Variants in C4orf33 observed in about 807,000 individuals in gnomAD.
C4orf33 encodes UPF0462 protein C4orf33.
A neutral mutation model predicts 24.3 loss-of-function variants in C4orf33; 20 were observed. The observed-to-expected ratio is 0.82, with a 90% CI of 0.58 to 1.19. The LOEUF (loss-of-function observed/expected upper bound fraction) is 1.19, where lower values mean the gene tolerates loss of function less well. Ranked by LOEUF, C4orf33 falls within the 50% of genes most tolerant of loss-of-function variation. C4orf33 has a pLI of 0.00. For synonymous variants in C4orf33, 67 were observed against 76.4 expected, an observed-to-expected ratio of 0.88 and a Z score of 0.64; for missense variants, 207 against 225.9, an observed-to-expected ratio of 0.92 and a Z score of 0.54.
chr4:129,106,454 T>G, intron 2 of C4orf33, 133 bp from the exon 3 acceptor site: 1 of 494,872 alleles, frequency 2.0e-6, no homozygotes, highest in Non-Finnish European at 3.6e-6. Flanking sequence ...CTATTTTCTT[T>G]GCTCTTTTTC....
At position 129,116,557 on chromosome 4, in the gene C4orf33, G is replaced by C. The variant is rs921597237; in HGVS notation, c.*4766G>C. ...GTACCTAGAGTATATATTTTGAAGA[G>C]ATAGCTTTGCTGAAATAGAAAACCA... On this transcript the variant is annotated 3_prime_UTR_variant, in exon 6 of 6. Coordinates refer to ENST00000425929, the MANE Select transcript of C4orf33 (RefSeq NM_001099783.2). 5.3e-5 allele frequency: 8 copies of C among 152,286 alleles called. No homozygotes were observed. The East Asian group carries it at 1.5e-3, about 29-fold the overall frequency. 9.4% of individuals were successfully genotyped at this position (152,286 alleles called of 1,614,324 possible). A position where few individuals can be genotyped will look rare whatever the true frequency, so the allele number is the denominator to read the frequency against.
intron 1 of C4orf33, chr4:129,102,310 C>A (rs1753379277): frequency 4.6e-6 from 1 of 218,554 alleles, no homozygotes; most frequent in Admixed American, 5.6e-5. Flanking sequence ...TATCACTTTT[C>A]ATGTTGAGGT....
At chr4:129,106,528 A>C (rs914200720) in intron 2 of C4orf33, 59 bp from the exon 3 acceptor site, 1 of 818,912 alleles carries the variant, frequency 1.2e-6, no homozygotes, top group Non-Finnish European at 2.0e-6. Flanking sequence ...GGAATAAATT[A>C]TTTATTGTTG....
intron 1 of C4orf33, chr4:129,100,658 T>C (rs1023609157): frequency 6.6e-6 from 1 of 152,216 alleles, no homozygotes; most frequent in Non-Finnish European, 1.5e-5. Flanking sequence ...ATCTCTTTAA[T>C]GTATGCAGAA....
rs551865646 is a variant in C4orf33, at chr4:129,107,857, C to T, written c.242+1210C>T. ...ATTTTATTAGATGATAATATTGGTT[C>T]ATTTTCATAAAGTGATGTCAACACT... On this transcript the variant is annotated intron_variant, in intron 3 of 5. Transcript: ENST00000425929. Among the ~76,000 whole-genome samples, 14 of 152,050 alleles carry T rather than the reference C, an allele frequency of 9.2e-5. No individual in the cohort carries two copies. The South Asian group carries it at 2.3e-3, about 25-fold the overall frequency.
chr4:129,104,598 A>G (rs1580011440), intron 2 of C4orf33, among the ~76,000 whole-genome samples: 1 of 152,296 alleles, frequency 6.6e-6, no homozygotes, highest in South Asian at 2.1e-4. Flanking sequence ...AATAAGCTAC[A>G]ATATTTCCTA....
upstream of C4orf33, among the ~76,000 whole-genome samples, chr4:129,094,899 A>G (rs984149145): frequency 2.4e-4 from 37 of 152,174 alleles, no homozygotes; most frequent in African/African-American, 8.9e-4. Context: ...CTTCTCCCAC[A>G]TTTGAACCTT....
At chr4:129,094,317 T>A (rs1580000717), upstream of C4orf33, among the ~76,000 whole-genome samples, 1 of 149,944 alleles carries the variant, frequency 6.7e-6, no homozygotes, top group East Asian at 2.0e-4. Flanking sequence ...TTAAAAAAAA[T>A]CATTTAACAT....
At chr4:129,108,970 T>G (rs1429715640) in intron 3 of C4orf33, among the ~76,000 whole-genome samples, 1 of 152,110 alleles carries the variant, frequency 6.6e-6, no homozygotes, top group Non-Finnish European at 1.5e-5. Flanking sequence ...CACTGCAACC[T>G]CCACCTCCCG....
chr4:129,096,665 T>A (rs1753216334), intron 1 of C4orf33, among the ~76,000 whole-genome samples: 1 of 152,166 alleles, frequency 6.6e-6, no homozygotes, highest in South Asian at 2.1e-4. Flanking sequence ...AATTGAAAAT[T>A]TATTTTTTTA....
intron 3 of C4orf33, among the ~76,000 whole-genome samples, chr4:129,106,934 A>T (rs1383220012): frequency 6.6e-6 from 1 of 151,904 alleles, no homozygotes; most frequent in East Asian, 1.9e-4. Flanking sequence ...TTTTTTCAAA[A>T]CGAAAAGTCA....
intron 2 of C4orf33, among the ~76,000 whole-genome samples, chr4:129,105,436 C>T (rs572375636): frequency 1.3e-5 from 2 of 152,138 alleles, no homozygotes; most frequent in African/African-American, 4.8e-5. Flanking sequence ...TATCTGGATA[C>T]CATGGCCTAG....
chr4:129,110,248 A>T (rs1449647417), intron 5 of C4orf33, among the ~76,000 whole-genome samples: 1 of 152,240 alleles, frequency 6.6e-6, no homozygotes, highest in African/African-American at 2.4e-5. Flanking sequence ...ATTCCCCTGT[A>T]ACAGTCATGT....
At chr4:129,100,229 C>T (rs145572407) in intron 1 of C4orf33, among the ~76,000 whole-genome samples, 5 of 152,270 alleles carry the variant, frequency 3.3e-5, no homozygotes, top group African/African-American at 9.6e-5. Context: ...AATTTGAAAC[C>T]TATGCAAGCT....
intron 1 of C4orf33, among the ~76,000 whole-genome samples, chr4:129,098,688 C>T (rs1172201315): frequency 6.6e-6 from 1 of 152,206 alleles, no homozygotes; most frequent in African/African-American, 2.4e-5. Flanking sequence ...AGAGTAGGAG[C>T]AGCAGCTCCC....
chr4:129,095,010 C>T (rs72927925), upstream of C4orf33, among the ~76,000 whole-genome samples: 2,201 of 152,254 alleles, frequency 0.014, 49 homozygotes, highest in African/African-American at 0.044. Flanking sequence ...CTGGCTATAA[C>T]TGATGAGTGG....
rs367926120 is a variant in C4orf33 at position 129,109,306 on chromosome 4, G to A, written c.243-1G>A. On this transcript the variant is annotated splice_acceptor_variant, in intron 3 of 5. Coordinates refer to ENST00000425929, the MANE Select transcript of C4orf33 (RefSeq NM_001099783.2). LOFTEE classifies it high-confidence loss of function. ...CTCATGAGGAATCTTAATTTTGACA[G>A]CCACGGACAGCATTTAGTGCTTTTA... 9.3e-6 allele frequency: 15 copies of A among 1,613,648 alleles called. No homozygotes were observed. In the African/African-American group the frequency reaches 2.0e-4, roughly 22 times the overall value.
chr4:129,099,672 C>T (rs1468141518), intron 1 of C4orf33, among the ~76,000 whole-genome samples: 2 of 152,084 alleles, frequency 1.3e-5, no homozygotes, highest in Non-Finnish European at 2.9e-5. Context: ...GGAGCGCTAG[C>T]CCAAGAGGTG....
upstream of C4orf33, chr4:129,096,113 C>T (rs548483966): frequency 6.6e-6 from 1 of 152,176 alleles, no homozygotes; most frequent in Non-Finnish European, 1.5e-5. Context: ...AAGCCCCTCC[C>T]CCAGAACGTG....
Sources: gnomAD v4.1 joint callset for allele counts (sites outside exome capture counted in the v4.1 genomes callset) on GRCh38, gnomAD v4.1.1 for gene constraint, MANE v1.5 for transcripts, NCBI Gene and HGNC (gene_info 2026-07-23, HGNC 2026-07-21) for gene names.